Variants in AMBP observed in about 807,000 individuals in gnomAD.
AMBP encodes the protein alpha-1-microglobulin/bikunin precursor, also known as protein AMBP.
In AMBP, 37 loss-of-function variants were observed where a neutral mutation model predicts 46.3. The ratio of observed to expected loss-of-function variants is 0.80; its 90% CI spans 0.61 to 1.05. The LOEUF (loss-of-function observed/expected upper bound fraction) is 1.05, where lower values mean the gene tolerates loss of function less well. AMBP is among the 50% of genes least tolerant of loss of function. The pLI, the probability that AMBP is intolerant of heterozygous loss-of-function variation, is 0.00. For synonymous variants in AMBP, 174 were observed against 175.9 expected (o/e 0.99, Z 0.09); for missense variants, 475 against 461.2 (o/e 1.03, Z -0.27).
At chr9:114,062,967 T>C (rs940117420) in intron 6 of AMBP, among the ~76,000 whole-genome samples, 2 of 151,956 alleles carry the variant, frequency 1.3e-5, no homozygotes, top group Non-Finnish European at 2.9e-5. Flanking sequence ...TGGTCTGAAA[T>C]GAAATTTAAA....
At chr9:114,067,084 G>T (rs112118947) in intron 6 of AMBP, among the ~76,000 whole-genome samples, 32,781 of 151,918 alleles carry the variant, frequency 0.22, 3,798 homozygotes, top group East Asian at 0.39. Context: ...GGGACTACAG[G>T]CCTCAGCCAC....
chr9:114,063,433 C>T (rs553855848), intron 6 of AMBP, among the ~76,000 whole-genome samples: 1 of 152,184 alleles, frequency 6.6e-6, no homozygotes, highest in Non-Finnish European at 1.5e-5. Context: ...TCAGGGGCAA[C>T]AAAACACTGT....
chr9:114,077,691 G>C (rs1250231436), intron 1 of AMBP: 1 of 194,610 alleles, frequency 5.1e-6, no homozygotes, highest in Non-Finnish European at 1.1e-5. Context: ...ATGTGGGCAG[G>C]GGACACAGGA....
chr9:114,076,806 T>C (rs1846817576), intron 1 of AMBP, 66 bp from the exon 2 acceptor site: 1 of 1,570,444 alleles, frequency 6.4e-7, no homozygotes, highest in African/African-American at 1.4e-5. Context: ...CTGGCTGACA[T>C]CTGCTCCCCA....
At chr9:114,068,091 G>C (rs576534481) in intron 6 of AMBP, among the ~76,000 whole-genome samples, 224 of 152,314 alleles carry the variant, frequency 1.5e-3, no homozygotes, top group African/African-American at 5.1e-3. Flanking sequence ...TTTTCGAAGA[G>C]TTGCCACAGA....
intron 6 of AMBP, among the ~76,000 whole-genome samples, chr9:114,068,366 A>G (rs1846712775): frequency 6.6e-6 from 1 of 152,178 alleles, no homozygotes; most frequent in African/African-American, 2.4e-5. Context: ...TTGGGAGACC[A>G]AAGCGGGTAG....
chr9:114,064,097 G>C (rs535808866), intron 6 of AMBP, among the ~76,000 whole-genome samples: 1 of 152,314 alleles, frequency 6.6e-6, no homozygotes, highest in South Asian at 2.1e-4. Context: ...AAGGTTTTAA[G>C]AGGGAAAAGG....
In AMBP at chr9:114,060,142, A is replaced by G; in HGVS notation, c.*97T>C. 2 of 1,285,694 alleles carry G rather than the reference A, an allele frequency of 1.6e-6. No individual in the cohort carries two copies. Among genetic ancestry groups the G allele is most frequent in the Non-Finnish European group, 2.2e-6 (2 of 925,044 alleles). 79.6% of individuals were successfully genotyped at this position (1,285,694 alleles called of 1,614,324 possible). ...GGACACAGAATTTCAGGAGTTTACA[A>G]TTTAGTTTTTATTTGGACCCAGGTT... On this transcript the variant is annotated 3_prime_UTR_variant, in exon 10 of 10. Coordinates refer to ENST00000265132, the MANE Select transcript of AMBP (RefSeq NM_001633.4).
At chr9:114,070,699 A>T (rs1846735729) in intron 5 of AMBP, among the ~76,000 whole-genome samples, 1 of 151,612 alleles carries the variant, frequency 6.6e-6, no homozygotes, top group Non-Finnish European at 1.5e-5. Context: ...GGGAAATGGG[A>T]GTGGCGTCCG....
intron 2 of AMBP, among the ~76,000 whole-genome samples, chr9:114,075,460 T>C (rs1846796185): frequency 6.6e-6 from 1 of 152,246 alleles, no homozygotes. Context: ...CCTCACATGG[T>C]TAGTGTGAGG....
rs1398872459 is a variant in AMBP at position 114,074,601 on chromosome 9, CA to C, written c.337+358del. ...ATTCAATAAACATTTTCTGAACTAA[CA>C]AATAAATTAATGTCCAAATCCCTCT... On this transcript the variant is annotated intron_variant, in intron 3 of 9. Coordinates refer to ENST00000265132, the MANE Select transcript of AMBP (RefSeq NM_001633.4). Among the ~76,000 whole-genome samples, 10 of 152,224 alleles carry C rather than the reference CA, an allele frequency of 6.6e-5. No individual in the cohort carries two copies. In the East Asian group the frequency reaches 1.5e-3, roughly 23 times the overall value.
At chr9:114,068,284 A>G (rs759960872) in intron 6 of AMBP, among the ~76,000 whole-genome samples, 13 of 152,054 alleles carry the variant, frequency 8.5e-5, no homozygotes, top group South Asian at 6.2e-4. Flanking sequence ...CAAGAAGTCC[A>G]CTTCAGTTTC....
rs1223860371 is a variant in AMBP, at chr9:114,061,601, G to T, written c.686-10C>A. On this transcript the variant is annotated splice_polypyrimidine_tract_variant and intron_variant, in intron 7 of 9. Coordinates refer to ENST00000265132, the MANE Select transcript of AMBP (RefSeq NM_001633.4). ...CCCAGCTGGCAGGAATCTAGGGAGGGGCAGACCAGCAGCACTGACCAAGTG... is the reference window on the plus strand; with the variant it reads ...CCCAGCTGGCAGGAATCTAGGGAGGTGCAGACCAGCAGCACTGACCAAGTG... 1.9e-6 allele frequency: 3 copies of T among 1,588,562 alleles called. No homozygotes were observed. The East Asian group carries it at 6.7e-5, about 36-fold the overall frequency.
rs1477722612 is a variant in AMBP, at chr9:114,062,716, CT to C, written c.645del (p.Gly217ValfsTer5). The C allele has an allele frequency of 1.2e-6, 2 of 1,613,978 alleles. No individual in the cohort carries two copies. Among genetic ancestry groups the C allele is most frequent in the East Asian group, 2.2e-5 (1 of 44,896 alleles). ...ACTTCAGTTACCAGTTGCCCACCCC[CT>C]GATCCTTCCTCTTCTTGGGGTAGCA... ...RAVLPQEEEG[S>X]GGGQLVTEVT... On this transcript the variant is annotated frameshift_variant, in exon 7 of 10. Coordinates refer to ENST00000265132, the MANE Select transcript of AMBP (RefSeq NM_001633.4). LOFTEE classifies it high-confidence loss of function.
At chr9:114,074,189 G>C in intron 3 of AMBP, 37 bp from the exon 4 acceptor site, 1 of 1,554,274 alleles carries the variant, frequency 6.4e-7, no homozygotes, top group South Asian at 1.1e-5. Context: ...AGGGATCAGT[G>C]GTCAGTAGAC....
intron 6 of AMBP, 80 bp from the exon 7 acceptor site, chr9:114,062,838 G>T: frequency 7.2e-7 from 1 of 1,394,078 alleles, no homozygotes; most frequent in Non-Finnish European, 1.0e-6. Flanking sequence ...ATATATAAAT[G>T]AACAACTTGC....
At chr9:114,075,763 G>A (rs1034480797) in intron 2 of AMBP, among the ~76,000 whole-genome samples, 1 of 152,322 alleles carries the variant, frequency 6.6e-6, no homozygotes, top group East Asian at 1.9e-4. Context: ...AGAAGGGCAT[G>A]TAACCTGAAC....
intron 5 of AMBP, among the ~76,000 whole-genome samples, chr9:114,071,996 C>T (rs142584795): frequency 1.5e-3 from 235 of 152,364 alleles, no homozygotes; most frequent in African/African-American, 5.3e-3. Flanking sequence ...CCCTTCATCT[C>T]GCTCACCCTA....
intron 9 of AMBP, among the ~76,000 whole-genome samples, chr9:114,060,650 G>C (rs1324872122): frequency 6.6e-6 from 1 of 152,166 alleles, no homozygotes; most frequent in Non-Finnish European, 1.5e-5. Flanking sequence ...ATTGGCACTT[G>C]CTCAACGTTG....
Sources: allele counts gnomAD v4.1 joint callset (sites outside exome capture counted in the v4.1 genomes callset), GRCh38; gene constraint gnomAD v4.1.1; transcripts MANE v1.5; gene names NCBI Gene and HGNC (gene_info 2026-07-23, HGNC 2026-07-21).